The following GRIA4 variants were observed in gnomAD, a reference collection of about 807,000 sequenced individuals.
GRIA4 encodes the protein glutamate receptor 4.
In GRIA4, 34 loss-of-function variants were observed where a neutral mutation model predicts 104.0. The observed-to-expected ratio is 0.33, with a 90% CI of 0.25 to 0.44. The LOEUF (loss-of-function observed/expected upper bound fraction) is 0.44. Ranked by LOEUF, GRIA4 falls within the 20% of genes least tolerant of loss-of-function variation. The probability of loss-of-function intolerance (pLI) is 1.00; values close to 1 mark genes in which losing one functional copy is unlikely to be tolerated. For synonymous variants in GRIA4, 386 were observed against 381.9 expected (o/e 1.01, Z -0.13); for missense variants, 750 against 1,096.5 (o/e 0.68, Z 4.46).
intron 4 of GRIA4, among the ~76,000 whole-genome samples, chr11:105,761,342 C>T (rs1438057873): frequency 6.6e-6 from 1 of 151,986 alleles, no homozygotes; most frequent in Non-Finnish European, 1.5e-5. Flanking sequence ...TTTTAATTTT[C>T]AATTTTCCTG....
intron 4 of GRIA4, among the ~76,000 whole-genome samples, chr11:105,839,551 G>A (rs1230066920): frequency 6.7e-6 from 1 of 148,384 alleles, no homozygotes; most frequent in Non-Finnish European, 1.5e-5. Flanking sequence ...ATTTCTGTGT[G>A]TTTTATCAAA....
At chr11:105,941,751 T>C (rs1948184620) in intron 14 of GRIA4, among the ~76,000 whole-genome samples, 1 of 152,124 alleles carries the variant, frequency 6.6e-6, no homozygotes, top group Admixed American at 6.6e-5. Context: ...TATGAGAGTA[T>C]ATAGCCCCCT....
chr11:105,831,801 G>T (rs1943987078), intron 4 of GRIA4, among the ~76,000 whole-genome samples: 1 of 152,022 alleles, frequency 6.6e-6, no homozygotes, highest in African/African-American at 2.4e-5. Flanking sequence ...TGCAGGTTAT[G>T]CTCCGCATAG....
intron 16 of GRIA4, among the ~76,000 whole-genome samples, chr11:105,975,839 A>G (rs1349747686): frequency 6.6e-6 from 1 of 152,106 alleles, no homozygotes; most frequent in East Asian, 1.9e-4. Context: ...CCTTTTTATC[A>G]AGATCTAATT....
chr11:105,834,059 T>A (rs1329998640), intron 4 of GRIA4, among the ~76,000 whole-genome samples: 4 of 152,064 alleles, frequency 2.6e-5, no homozygotes, highest in Admixed American at 2.6e-4. Flanking sequence ...AATGTGTTAA[T>A]TGCCATGACT....
intron 6 of GRIA4, among the ~76,000 whole-genome samples, chr11:105,889,159 G>A (rs1220018559): frequency 6.6e-6 from 1 of 152,016 alleles, no homozygotes; most frequent in Non-Finnish European, 1.5e-5. Flanking sequence ...TGCTGACATT[G>A]GCAATTAAAA....
At chr11:105,922,129 C>A (rs1947582081) in intron 11 of GRIA4, among the ~76,000 whole-genome samples, 1 of 151,906 alleles carries the variant, frequency 6.6e-6, no homozygotes, top group Non-Finnish European at 1.5e-5. Context: ...AAAGTGCTCA[C>A]AAATTAGGAA....
intron 3 of GRIA4, among the ~76,000 whole-genome samples, chr11:105,679,772 T>C (rs896239753): frequency 1.4e-4 from 21 of 152,146 alleles, no homozygotes; most frequent in African/African-American, 5.1e-4. Context: ...TTGTAGTTCG[T>C]ATTTATAACA....
At position 105,836,866 on chromosome 11, in the gene GRIA4, T is replaced by A. The variant is rs115832084; in HGVS notation, c.488-25158T>A. Among the ~76,000 whole-genome samples, 343 of 152,324 alleles carry A rather than the reference T, an allele frequency of 2.3e-3. 2 individuals carry two copies. Among genetic ancestry groups the A allele is most frequent in the African/African-American group, 7.6e-3 (315 of 41,582 alleles). On this transcript the variant is annotated intron_variant, in intron 4 of 16. Transcript: ENST00000282499. ...CTGATGGCTTTGATTTTATATTTTATGTGTATGATAACCCAATCAACATTT... is the reference window on the plus strand; with the variant it reads ...CTGATGGCTTTGATTTTATATTTTAAGTGTATGATAACCCAATCAACATTT...
At chr11:105,936,410 A>T (rs1179279982) in intron 14 of GRIA4, among the ~76,000 whole-genome samples, 1 of 152,160 alleles carries the variant, frequency 6.6e-6, no homozygotes, top group Non-Finnish European at 1.5e-5. Flanking sequence ...ATCTTTTTTT[A>T]ATCAGGTCTT....
intron 3 of GRIA4, among the ~76,000 whole-genome samples, chr11:105,681,496 C>T (rs540761042): frequency 5.7e-4 from 87 of 152,258 alleles, no homozygotes; most frequent in African/African-American, 2.0e-3. Context: ...AAAACGTAAG[C>T]TCCATAAGAT....
intron 3 of GRIA4, among the ~76,000 whole-genome samples, chr11:105,663,074 T>C (rs1013879309): frequency 2.6e-5 from 4 of 151,926 alleles, no homozygotes; most frequent in South Asian, 2.1e-4. Flanking sequence ...ATTGAGTTTA[T>C]AATAACTATA....
chr11:105,673,626 G>A (rs562150317), intron 3 of GRIA4, among the ~76,000 whole-genome samples: 44 of 152,050 alleles, frequency 2.9e-4, no homozygotes, highest in African/African-American at 1.1e-3. Flanking sequence ...CCACTCGCTA[G>A]CAATTTTATG....
intron 3 of GRIA4, among the ~76,000 whole-genome samples, chr11:105,741,342 G>A (rs1281468991): frequency 6.6e-6 from 1 of 152,130 alleles, no homozygotes; most frequent in Non-Finnish European, 1.5e-5. Context: ...GTTGATATTT[G>A]AGTCTGAAGC....
intron 14 of GRIA4, among the ~76,000 whole-genome samples, chr11:105,948,601 T>C (rs1188009858): frequency 7.1e-6 from 1 of 140,148 alleles, no homozygotes; most frequent in Non-Finnish European, 1.5e-5. Flanking sequence ...TTTTGTTTTT[T>C]TTTTTTTTTT....
intron 14 of GRIA4, among the ~76,000 whole-genome samples, chr11:105,958,851 T>C (rs1591487293): frequency 6.6e-6 from 1 of 152,218 alleles, no homozygotes; most frequent in East Asian, 1.9e-4. Context: ...AAGGATTATA[T>C]TTTTCCTTCA....
At chr11:105,792,454 T>G (rs1942255354) in intron 4 of GRIA4, among the ~76,000 whole-genome samples, 1 of 152,090 alleles carries the variant, frequency 6.6e-6, no homozygotes, top group Non-Finnish European at 1.5e-5. Context: ...TTTTATATAT[T>G]TGTATTATAA....
intron 3 of GRIA4, among the ~76,000 whole-genome samples, chr11:105,634,433 G>C (rs1951128307): frequency 7.1e-6 from 1 of 140,944 alleles, no homozygotes; most frequent in Admixed American, 7.3e-5. Context: ...AAGGAAGGGA[G>C]GAGAAAGGAA....
At chr11:105,835,289 C>G (rs1453020940) in intron 4 of GRIA4, among the ~76,000 whole-genome samples, 1 of 151,930 alleles carries the variant, frequency 6.6e-6, no homozygotes, top group African/African-American at 2.4e-5. Flanking sequence ...TTGACTTATA[C>G]GTGAGTGGTA....
Sources: allele counts gnomAD v4.1 joint callset (sites outside exome capture counted in the v4.1 genomes callset), GRCh38; gene constraint gnomAD v4.1.1; transcripts MANE v1.5; gene names NCBI Gene and HGNC (gene_info 2026-07-23, HGNC 2026-07-21).